RIMKLB: variants seen among roughly 807,000 people sequenced by gnomAD.
RIMKLB encodes ribosomal modification protein rimK like family member B.
A neutral mutation model predicts 32.0 loss-of-function variants in RIMKLB; 7 were observed. The ratio of observed to expected loss-of-function variants is 0.22; its 90% CI spans 0.12 to 0.41. The LOEUF is 0.41. Ranked by LOEUF, RIMKLB falls within the 10% of genes least tolerant of loss-of-function variation. RIMKLB has a pLI of 1.00. For missense variants in RIMKLB, 289 were observed against 498.7 expected (o/e 0.58, Z 4.00); for synonymous variants, 172 against 185.1 (o/e 0.93, Z 0.57).
chr12:8,781,656 T>C (rs184809947), downstream of RIMKLB, among the ~76,000 whole-genome samples: 131 of 152,304 alleles, frequency 8.6e-4, no homozygotes, highest in Admixed American at 2.9e-3. Context: ...AGTCCTGAAT[T>C]TTAATTATCC....
chr12:8,697,748 C>A, upstream of RIMKLB: 1 of 218,296 alleles, frequency 4.6e-6, no homozygotes, highest in South Asian at 3.9e-5. Flanking sequence ...CGGGTGCGGG[C>A]GAGGAGCTGG....
At chr12:8,698,807 G>T (rs947719440) in intron 1 of RIMKLB, among the ~76,000 whole-genome samples, 2 of 151,834 alleles carry the variant, frequency 1.3e-5, no homozygotes, top group Admixed American at 6.6e-5. Context: ...TCCTCCTTAC[G>T]TGTAAATTTT....
intron 1 of RIMKLB, among the ~76,000 whole-genome samples, chr12:8,682,169 T>C (rs1039317591): frequency 3.3e-5 from 5 of 151,992 alleles, no homozygotes; most frequent in Admixed American, 6.6e-5. Flanking sequence ...AAAAAACACA[T>C]AAAATTAAAG....
chr12:8,739,723 C>T (rs1353434630), intron 2 of RIMKLB, among the ~76,000 whole-genome samples: 6 of 152,150 alleles, frequency 3.9e-5, no homozygotes, highest in Admixed American at 3.9e-4. Flanking sequence ...GACCCTCCTG[C>T]CTCGGCCTTC....
the RIMKLB span, among the ~76,000 whole-genome samples, chr12:8,670,594 C>T: frequency 5.3e-5 from 8 of 152,186 alleles, no homozygotes. Context: ...GTCTCCCTTC[C>T]AGCTGCTTTC....
upstream of RIMKLB, among the ~76,000 whole-genome samples, chr12:8,677,027 C>T (rs1424911592): frequency 6.6e-6 from 1 of 152,128 alleles, no homozygotes; most frequent in Admixed American, 6.6e-5. Flanking sequence ...CTGCTGTTCT[C>T]ACTGAGCTTG....
chr12:8,754,179 C>T (rs1948836435), intron 5 of RIMKLB, 86 bp downstream of exon 5: 2 of 974,688 alleles, frequency 2.1e-6, no homozygotes, highest in Non-Finnish European at 1.6e-6. Flanking sequence ...AACTCTAGAC[C>T]TTCTTAATAA....
At position 8,698,232 on chromosome 12, in the gene RIMKLB, G is replaced by A. The variant is rs1943024829; in HGVS notation, c.-122G>A. The A allele has an allele frequency of 2.7e-6, 1 of 369,038 alleles. No individual in the cohort carries two copies. The highest frequency in any genetic ancestry group is 5.5e-6 in the Non-Finnish European group (1 of 181,000). 22.9% of individuals were successfully genotyped at this position (369,038 alleles called of 1,614,324 possible). On this transcript the variant is annotated 5_prime_UTR_variant, in exon 1 of 6. Transcript: ENST00000535829. ...CCCACTTCCAGCCGCCCGGCGGCCC[G>A]CGCTTCCTCGAAGGCCCCAGCCCGG...
chr12:8,686,999 A>C (rs1942597179), intron 1 of RIMKLB, among the ~76,000 whole-genome samples: 1 of 152,278 alleles, frequency 6.6e-6, no homozygotes, highest in South Asian at 2.1e-4. Context: ...TGGTGGGGTA[A>C]GAATACGTAC....
At chr12:8,742,106 G>A (rs1258229038) in intron 2 of RIMKLB, among the ~76,000 whole-genome samples, 3 of 151,346 alleles carry the variant, frequency 2.0e-5, no homozygotes, top group African/African-American at 4.9e-5. Flanking sequence ...CACCATGTTG[G>A]CCAGGCTAGT....
intron 2 of RIMKLB, among the ~76,000 whole-genome samples, chr12:8,741,221 T>TA (rs1036929969): frequency 1.4e-5 from 2 of 146,090 alleles, no homozygotes; most frequent in African/African-American, 5.3e-5. Context: ...ATTTTTTAAA[T>TA]AAAAAAATTA....
At chr12:8,781,209 C>T (rs945779543), downstream of RIMKLB, among the ~76,000 whole-genome samples, 1 of 152,044 alleles carries the variant, frequency 6.6e-6, no homozygotes, top group Non-Finnish European at 1.5e-5. Context: ...GACGTGGTGG[C>T]GGGCACTTGT....
chr12:8,713,228 T>C (rs1361903214), intron 1 of RIMKLB, among the ~76,000 whole-genome samples: 3 of 152,302 alleles, frequency 2.0e-5, no homozygotes, highest in African/African-American at 4.8e-5. Context: ...TCTCCAATTA[T>C]TTATTTTCAC....
At chr12:8,781,067 A>T (rs950710754), downstream of RIMKLB, among the ~76,000 whole-genome samples, 4 of 152,248 alleles carry the variant, frequency 2.6e-5, no homozygotes, top group African/African-American at 9.6e-5. Flanking sequence ...CTGGCCACGT[A>T]CTGTGGCTCA....
intron 1 of RIMKLB, among the ~76,000 whole-genome samples, chr12:8,703,065 C>A (rs1006856066): frequency 6.6e-6 from 1 of 152,160 alleles, no homozygotes; most frequent in Non-Finnish European, 1.5e-5. Flanking sequence ...ATGGGTGGAT[C>A]ACCTAAGGCC....
chr12:8,669,675 G>GA, the RIMKLB span, among the ~76,000 whole-genome samples: 1 of 151,796 alleles, frequency 6.6e-6, no homozygotes, highest in African/African-American at 2.4e-5. Flanking sequence ...GAAATGAAAA[G>GA]AAAAAATAAA....
At chr12:8,688,817 G>A (rs10743452) in intron 1 of RIMKLB, among the ~76,000 whole-genome samples, 31,808 of 151,890 alleles carry the variant, frequency 0.21, 3,852 homozygotes, top group East Asian at 0.43. Flanking sequence ...TGTGTGAAGT[G>A]CATGACGTAT....
intron 1 of RIMKLB, among the ~76,000 whole-genome samples, chr12:8,708,179 A>G (rs1029625331): frequency 6.6e-5 from 10 of 152,078 alleles, no homozygotes; most frequent in African/African-American, 2.2e-4. Flanking sequence ...TCTATTTTAT[A>G]TTAGTGTATT....
At chr12:8,674,221 TCTTTTTTTTTTTTTTTTC>T in the RIMKLB span, among the ~76,000 whole-genome samples, 2 of 145,058 alleles carry the variant, frequency 1.4e-5, no homozygotes, top group South Asian at 2.1e-4. Flanking sequence ...TTCTCACAAT[TCTTTTTTTTTTTTTTTTC>T]CTTTTTTTTT....
Sources: gnomAD v4.1 joint callset for allele counts (sites outside exome capture counted in the v4.1 genomes callset) on GRCh38, gnomAD v4.1.1 for gene constraint, MANE v1.5 for transcripts, NCBI Gene and HGNC (gene_info 2026-07-23, HGNC 2026-07-21) for gene names.